NEBL: variants seen among roughly 807,000 people sequenced by gnomAD.
NEBL encodes nebulette.
Under a neutral mutation model 140.2 loss-of-function variants are expected in NEBL, and 122 were observed. That is an observed-to-expected ratio of 0.87 (90% CI 0.75 to 1.01). The LOEUF is 1.01. Among genes scored for constraint, NEBL ranks in the 50% least tolerant of loss-of-function variants. The probability of loss-of-function intolerance (pLI) is 0.00; values close to 1 mark genes in which losing one functional copy is unlikely to be tolerated. For missense variants in NEBL, 1,365 were observed against 1,231.3 expected, an observed-to-expected ratio of 1.11 and a Z score of -1.62; for synonymous variants, 436 against 398.9, an observed-to-expected ratio of 1.09 and a Z score of -1.11.
chr10:21,140,917 C>T (rs559384485), intron 2 of NEBL, among the ~76,000 whole-genome samples: 1 of 151,684 alleles, frequency 6.6e-6, no homozygotes, highest in Non-Finnish European at 1.5e-5. Flanking sequence ...AGGTAACAAA[C>T]CTGCATGTTC....
intron 2 of NEBL, among the ~76,000 whole-genome samples, chr10:21,169,059 AAAAAAAAAATAT>A (rs1298253956): frequency 1.4e-4 from 6 of 43,826 alleles, no homozygotes; most frequent in African/African-American, 4.3e-4. Context: ...CAAAAAAAAA[AAAAAAAAAATAT>A]ATATATATAT....
At chr10:21,014,116 T>G (rs1419538942) in intron 3 of NEBL, among the ~76,000 whole-genome samples, 1 of 151,946 alleles carries the variant, frequency 6.6e-6, no homozygotes, top group Non-Finnish European at 1.5e-5. Context: ...TTTTTCCTAT[T>G]TTTTATTATT....
chr10:21,083,592 A>C (rs1836485537), intron 2 of NEBL, among the ~76,000 whole-genome samples: 5 of 152,122 alleles, frequency 3.3e-5, no homozygotes, highest in Admixed American at 3.3e-4. Flanking sequence ...GAATAACGCC[A>C]GTGTGCAAAG....
chr10:20,818,697 G>A, intron 20 of NEBL: 1 of 729,406 alleles, frequency 1.4e-6, no homozygotes, highest in Non-Finnish European at 1.7e-6. Context: ...TAGAAAGTGG[G>A]TCTTACCCAT....
At chr10:21,055,394 GA>G (rs1162743080) in intron 2 of NEBL, among the ~76,000 whole-genome samples, 1 of 152,190 alleles carries the variant, frequency 6.6e-6, no homozygotes, top group Non-Finnish European at 1.5e-5. Context: ...TCTGGAGGCA[GA>G]GGGTCTGTGG....
At chr10:20,809,560 T>C (rs889365882) in intron 25 of NEBL, among the ~76,000 whole-genome samples, 2 of 152,164 alleles carry the variant, frequency 1.3e-5, no homozygotes, top group African/African-American at 4.8e-5. Flanking sequence ...AGAAATAATA[T>C]AAAAGCATTC....
rs370612103 is a variant in NEBL at position 20,910,554 on chromosome 10, G to A, written c.357+51118C>T. Among the ~76,000 whole-genome samples, 4 of 152,274 alleles carry A rather than the reference G, an allele frequency of 2.6e-5. 1 individual carries two copies. In the South Asian group the frequency reaches 8.3e-4, roughly 32 times the overall value. On this transcript the variant is annotated intron_variant, in intron 4 of 6. Transcript: ENST00000417816. ...CCTCACTGCATGAACCATGGTCAGA[G>A]AGACACTGTTTGAAAAGGAGCAAGC...
intron 2 of NEBL, among the ~76,000 whole-genome samples, chr10:21,108,398 T>C (rs113762795): frequency 6.6e-6 from 1 of 152,228 alleles, no homozygotes; most frequent in Non-Finnish European, 1.5e-5. Flanking sequence ...CATCTTTATT[T>C]CTGCCTTCGT....
intron 3 of NEBL, among the ~76,000 whole-genome samples, chr10:21,007,878 A>G (rs761559951): frequency 1.3e-5 from 2 of 152,234 alleles, no homozygotes; most frequent in Non-Finnish European, 2.9e-5. Flanking sequence ...TTTCTGTTAC[A>G]GTTTTTCACA....
At chr10:20,904,156 A>T (rs1847992627) in intron 4 of NEBL, among the ~76,000 whole-genome samples, 1 of 152,168 alleles carries the variant, frequency 6.6e-6, no homozygotes, top group African/African-American at 2.4e-5. Context: ...CTATTTCCAG[A>T]CCTTAGTAAC....
intron 3 of NEBL, among the ~76,000 whole-genome samples, chr10:21,181,520 T>C (rs1841387503): frequency 6.6e-6 from 1 of 152,100 alleles, no homozygotes; most frequent in Admixed American, 6.5e-5. Context: ...GGAAGAAATC[T>C]TTGTAAAACT....
chr10:20,962,112 CAAGT>C (rs1231909132), intron 3 of NEBL, among the ~76,000 whole-genome samples: 1 of 152,140 alleles, frequency 6.6e-6, no homozygotes, highest in East Asian at 1.9e-4. Flanking sequence ...CTGACAGAAA[CAAGT>C]AAGTACTCCA....
intron 3 of NEBL, among the ~76,000 whole-genome samples, chr10:20,967,725 A>T (rs920054604): frequency 6.6e-6 from 1 of 152,082 alleles, no homozygotes. Context: ...TGGTGAAAAA[A>T]TGTACAGGGA....
intron 2 of NEBL, among the ~76,000 whole-genome samples, chr10:21,158,072 T>A (rs1278290697): frequency 6.6e-6 from 1 of 152,240 alleles, no homozygotes; most frequent in Non-Finnish European, 1.5e-5. Context: ...AACAAATGTC[T>A]GTTATTTAAG....
intron 2 of NEBL, among the ~76,000 whole-genome samples, chr10:21,054,153 T>C (rs866484856): frequency 6.6e-6 from 1 of 152,236 alleles, no homozygotes; most frequent in African/African-American, 2.4e-5. Context: ...ATAAATTTTT[T>C]AATGACTCAT....
intron 19 of NEBL, among the ~76,000 whole-genome samples, chr10:20,819,836 C>CA (rs1839114401): frequency 6.6e-6 from 1 of 151,996 alleles, no homozygotes; most frequent in Non-Finnish European, 1.5e-5. Flanking sequence ...GCGATCCTCC[C>CA]GACTCGGCCT....
intron 3 of NEBL, among the ~76,000 whole-genome samples, chr10:21,242,812 C>T (rs1398849861): frequency 6.6e-6 from 1 of 152,032 alleles, no homozygotes; most frequent in Non-Finnish European, 1.5e-5. Flanking sequence ...CTAGCTTGTC[C>T]AAACACCTTT....
intron 2 of NEBL, among the ~76,000 whole-genome samples, chr10:21,045,658 C>A (rs944482768): frequency 1.4e-4 from 21 of 152,126 alleles, no homozygotes; most frequent in African/African-American, 5.1e-4. Context: ...CAAATTAAAA[C>A]CACAATGGAA....
Position 20,819,448 on chromosome 10 carries a change from CCTCA to C in NEBL, c.2027_2030del (p.Val676GlyfsTer7). ...CCGCACTCAGCTGCTCCTGGTTTCGCCTCACTCTCTCTATCTCCGGGGTCATGCT... is the reference window on the plus strand; with the variant it reads ...CCGCACTCAGCTGCTCCTGGTTTCGCCTCTCTCTATCTCCGGGGTCATGCT... On this transcript the variant is annotated frameshift_variant, in exon 20 of 28. Coordinates refer to ENST00000377122, the MANE Select transcript of NEBL (RefSeq NM_006393.3). LOFTEE classifies it high-confidence loss of function. 1.9e-6 allele frequency: 3 copies of C among 1,613,872 alleles called. No individual in the cohort carries two copies. Among genetic ancestry groups the C allele is most frequent in the Admixed American group, 1.7e-5 (1 of 59,994 alleles).
Sources: allele counts gnomAD v4.1 joint callset (sites outside exome capture counted in the v4.1 genomes callset), GRCh38; gene constraint gnomAD v4.1.1; transcripts MANE v1.5; gene names NCBI Gene and HGNC (gene_info 2026-07-23, HGNC 2026-07-21).